Variants in DPH6 observed in about 807,000 individuals in gnomAD.
DPH6 encodes diphthamine biosynthesis 6, also known as diphthine--ammonia ligase.
A neutral mutation model predicts 38.2 loss-of-function variants in DPH6; 33 were observed. The observed-to-expected ratio is 0.86, with a 90% CI of 0.65 to 1.15. The LOEUF (loss-of-function observed/expected upper bound fraction) is 1.15, where lower values mean the gene tolerates loss of function less well. Ranked by LOEUF, DPH6 falls within the 50% of genes most tolerant of loss-of-function variation. The pLI is 0.00. For missense variants in DPH6, 325 were observed against 320.0 expected, an observed-to-expected ratio of 1.02 and a Z score of -0.12; for synonymous variants, 108 against 103.0, an observed-to-expected ratio of 1.05 and a Z score of -0.30.
chr15:35,314,792 G>A (rs1369544082), intron 3 of DPH6, among the ~76,000 whole-genome samples: 2 of 152,086 alleles, frequency 1.3e-5, no homozygotes, highest in Admixed American at 6.6e-5. Context: ...TTGAAGTGTC[G>A]TCTTCTCTTT....
At chr15:35,541,896 T>C (rs1404360387) in intron 2 of DPH6, among the ~76,000 whole-genome samples, 1 of 152,080 alleles carries the variant, frequency 6.6e-6, no homozygotes, top group Non-Finnish European at 1.5e-5. Context: ...AAATGAAAAG[T>C]GGGAATGCAT....
At chr15:35,198,226 G>A in the DPH6 span, among the ~76,000 whole-genome samples, 1 of 151,030 alleles carries the variant, frequency 6.6e-6, no homozygotes, top group Non-Finnish European at 1.5e-5. Flanking sequence ...AAGAATACTA[G>A]GCTTCTAATT....
chr15:35,358,992 G>T (rs956372108), intron 3 of DPH6, among the ~76,000 whole-genome samples: 1 of 152,086 alleles, frequency 6.6e-6, no homozygotes, highest in East Asian at 1.9e-4. Flanking sequence ...GGGTAGGGAA[G>T]GACCATTAGG....
intron 3 of DPH6, among the ~76,000 whole-genome samples, chr15:35,503,253 T>C (rs951950260): frequency 5.3e-5 from 8 of 152,048 alleles, no homozygotes; most frequent in African/African-American, 1.9e-4. Flanking sequence ...TCCTAAAAAG[T>C]GATCTCACCT....
At chr15:35,154,460 C>G in the DPH6 span, among the ~76,000 whole-genome samples, 1 of 152,138 alleles carries the variant, frequency 6.6e-6, no homozygotes, top group Non-Finnish European at 1.5e-5. Context: ...ATTCATTATG[C>G]ATGTAGCCCT....
chr15:35,306,758 C>A (rs1192953747), intron 3 of DPH6, among the ~76,000 whole-genome samples: 2 of 152,160 alleles, frequency 1.3e-5, no homozygotes, highest in Non-Finnish European at 2.9e-5. Flanking sequence ...TAGGTTACCT[C>A]CCTCAGTAAA....
chr15:35,223,246 A>C (rs1173615906), intron 3 of DPH6, among the ~76,000 whole-genome samples: 1 of 152,142 alleles, frequency 6.6e-6, no homozygotes, highest in Non-Finnish European at 1.5e-5. Context: ...AGAAGAGCAA[A>C]AAGAGGGCAA....
At chr15:35,345,925 T>C (rs746435005) in intron 3 of DPH6, among the ~76,000 whole-genome samples, 2 of 151,990 alleles carry the variant, frequency 1.3e-5, no homozygotes, top group Non-Finnish European at 2.9e-5. Context: ...ATTATAACTT[T>C]TGGGGTTATC....
chr15:35,362,896 C>T (rs2052625548), intron 3 of DPH6, among the ~76,000 whole-genome samples: 1 of 152,136 alleles, frequency 6.6e-6, no homozygotes, highest in Non-Finnish European at 1.5e-5. Flanking sequence ...CTGTTGTCCC[C>T]ATGGGGAAAT....
chr15:35,173,210 T>A, the DPH6 span, among the ~76,000 whole-genome samples: 1 of 152,170 alleles, frequency 6.6e-6, no homozygotes, highest in Admixed American at 6.5e-5. Context: ...TTACCTTCCT[T>A]ACCAAACATA....
intron 3 of DPH6, among the ~76,000 whole-genome samples, chr15:35,278,223 AG>A (rs1185870747): frequency 1.3e-5 from 2 of 152,198 alleles, no homozygotes; most frequent in African/African-American, 2.4e-5. Context: ...CAGCCTTGGG[AG>A]GCTACTCCCT....
At chr15:35,270,382 T>C (rs1179512118) in intron 3 of DPH6, among the ~76,000 whole-genome samples, 3 of 152,232 alleles carry the variant, frequency 2.0e-5, no homozygotes, top group Non-Finnish European at 4.4e-5. Flanking sequence ...ATCTGTATTG[T>C]AAGTTAAAGG....
the DPH6 span, among the ~76,000 whole-genome samples, chr15:35,183,372 T>A: frequency 6.6e-6 from 1 of 152,200 alleles, no homozygotes; most frequent in Admixed American, 6.5e-5. Flanking sequence ...TTTCAGCAAT[T>A]GCGCCTCTAC....
chr15:35,226,186 A>G (rs2051479385), intron 3 of DPH6, among the ~76,000 whole-genome samples: 1 of 152,172 alleles, frequency 6.6e-6, no homozygotes, highest in Non-Finnish European at 1.5e-5. Flanking sequence ...CATCAGGAAT[A>G]GCTGTAAATG....
chr15:35,189,387 A>G, the DPH6 span, among the ~76,000 whole-genome samples: 94 of 152,124 alleles, frequency 6.2e-4, no homozygotes, highest in Admixed American at 1.8e-3. Context: ...CAATCTCTCT[A>G]CCCTTTCTCC....
chr15:35,201,002 T>TTTA, the DPH6 span, among the ~76,000 whole-genome samples: 1 of 149,266 alleles, frequency 6.7e-6, no homozygotes, highest in Non-Finnish European at 1.5e-5. Flanking sequence ...TTTTTTTTTT[T>TTTA]ACCATTTCTA....
At chr15:35,523,821 C>G (rs1057442680) in intron 3 of DPH6, among the ~76,000 whole-genome samples, 22 of 152,046 alleles carry the variant, frequency 1.4e-4, no homozygotes, top group Admixed American at 1.0e-3. Flanking sequence ...GAGAAAAGCA[C>G]TAAGTGTAAG....
At chr15:35,395,152 T>C (rs2053114796) in intron 6 of DPH6, among the ~76,000 whole-genome samples, 1 of 152,206 alleles carries the variant, frequency 6.6e-6, no homozygotes, top group Non-Finnish European at 1.5e-5. Flanking sequence ...TGTGGATTAA[T>C]CTTCAATTTT....
At chr15:35,364,873 C>T (rs2052643641) in intron 3 of DPH6, among the ~76,000 whole-genome samples, 1 of 151,990 alleles carries the variant, frequency 6.6e-6, no homozygotes, top group Non-Finnish European at 1.5e-5. Context: ...CCCATTCTCC[C>T]TCTAGTCTTT....
Sources: allele counts gnomAD v4.1 joint callset (sites outside exome capture counted in the v4.1 genomes callset), GRCh38; gene constraint gnomAD v4.1.1; transcripts MANE v1.5; gene names NCBI Gene and HGNC (gene_info 2026-07-23, HGNC 2026-07-21).